The following EXT2 variants were observed in gnomAD, a reference collection of about 807,000 sequenced individuals.
The protein encoded by EXT2 is exostosin glycosyltransferase 2.
Under a neutral mutation model 81.6 loss-of-function variants are expected in EXT2, and 53 were observed. The observed-to-expected ratio is 0.65, with a 90% CI of 0.52 to 0.82. EXT2 has a LOEUF of 0.82. Among genes scored for constraint, EXT2 ranks in the 40% least tolerant of loss-of-function variants. EXT2 has a pLI of 0.00. For synonymous variants in EXT2, 320 were observed against 340.0 expected, an observed-to-expected ratio of 0.94 and a Z score of 0.65; for missense variants, 774 against 910.2, an observed-to-expected ratio of 0.85 and a Z score of 1.93.
rs2135185399 is a variant in EXT2, at chr11:44,197,963, C to T, written c.1440C>T (p.Pro480=). The T allele has an allele frequency of 1.2e-6, 2 of 1,614,100 alleles. No homozygotes were observed. Among genetic ancestry groups the T allele is most frequent in the Non-Finnish European group, 1.7e-6 (2 of 1,179,996 alleles). ...FRVITEVSKV[P]SLSKLLVVWN... ...TCATCACTGAAGTGTCCAAGGTGCC[C>T]AGTCTATCCAAACTACTTGTCGTCT... The change falls in exon 9 of 14, where the codon CCC becomes CCT. Residue 480 remains proline (P), a synonymous_variant. Coordinates refer to ENST00000533608, the MANE Select transcript of EXT2 (RefSeq NM_207122.2).
intron 7 of EXT2, among the ~76,000 whole-genome samples, chr11:44,145,596 GCTTCCTCATGAAAA>G (rs1237314158): frequency 6.6e-6 from 1 of 152,140 alleles, no homozygotes; most frequent in Non-Finnish European, 1.5e-5. Flanking sequence ...TGTACTGGGA[GCTTCCTCATGAAAA>G]CTTGATGAGG....
chr11:44,178,590 A>G (rs1955190648), intron 8 of EXT2, among the ~76,000 whole-genome samples: 1 of 152,200 alleles, frequency 6.6e-6, no homozygotes, highest in Non-Finnish European at 1.5e-5. Context: ...CTAACAAGCA[A>G]TAAATCACTC....
chr11:44,142,454 T>C (rs977682773), intron 7 of EXT2, among the ~76,000 whole-genome samples: 4 of 152,210 alleles, frequency 2.6e-5, no homozygotes, highest in South Asian at 2.1e-4. Flanking sequence ...TTTCAGTGGG[T>C]AGTTACTGCC....
chr11:44,196,662 G>A (rs149847989), intron 8 of EXT2, among the ~76,000 whole-genome samples: 1,599 of 152,278 alleles, frequency 0.011, 23 homozygotes, highest in African/African-American at 0.035. Context: ...TTTTAATGTT[G>A]AAGAGTTGTT....
intron 7 of EXT2, among the ~76,000 whole-genome samples, chr11:44,156,494 T>C (rs973353314): frequency 6.6e-6 from 1 of 152,256 alleles, no homozygotes; most frequent in African/African-American, 2.4e-5. Flanking sequence ...TAAATTCTGC[T>C]GTTGAGAGAT....
intron 8 of EXT2, among the ~76,000 whole-genome samples, chr11:44,176,623 G>T (rs1211115799): frequency 1.3e-5 from 2 of 152,106 alleles, no homozygotes; most frequent in African/African-American, 2.4e-5. Flanking sequence ...AATAGCGATG[G>T]TTTATTTATA....
intron 7 of EXT2, among the ~76,000 whole-genome samples, chr11:44,140,104 G>C (rs1954625562): frequency 6.6e-6 from 1 of 152,194 alleles, no homozygotes. Flanking sequence ...CCCAAGATTA[G>C]AAATGCCATT....
intron 8 of EXT2, among the ~76,000 whole-genome samples, chr11:44,181,450 T>A (rs1302140846): frequency 6.6e-6 from 1 of 152,160 alleles, no homozygotes; most frequent in Non-Finnish European, 1.5e-5. Context: ...CTTTGATTAT[T>A]TTATTTTTCT....
At chr11:44,230,121 C>G (rs1955881751) in intron 10 of EXT2, among the ~76,000 whole-genome samples, 1 of 152,130 alleles carries the variant, frequency 6.6e-6, no homozygotes, top group Non-Finnish European at 1.5e-5. Flanking sequence ...GAAGCCCTCT[C>G]AAAGTAGTTG....
intron 8 of EXT2, among the ~76,000 whole-genome samples, chr11:44,185,144 T>C (rs1590630042): frequency 6.6e-6 from 1 of 152,302 alleles, no homozygotes; most frequent in African/African-American, 2.4e-5. Flanking sequence ...AATGTACAAG[T>C]CTCACTTCTA....
chr11:44,245,037 T>A lies in EXT2; in HGVS notation c.*750T>A. On this transcript the variant is annotated 3_prime_UTR_variant, in exon 14 of 14. Coordinates refer to ENST00000533608, the MANE Select transcript of EXT2 (RefSeq NM_207122.2). ...CTGACAACAGTCTTCTGCCCATGTCTGGGAACACACGCCAGGAGGAATGTC... is the reference window on the plus strand; with the variant it reads ...CTGACAACAGTCTTCTGCCCATGTCAGGGAACACACGCCAGGAGGAATGTC... The A allele has an allele frequency of 4.3e-6, 1 of 232,408 alleles. No individual in the cohort carries two copies. The allele number at this position is 232,408 out of a possible 1,614,324, so 14.4% of individuals were successfully genotyped here.
chr11:44,241,350 G>A (rs1217013736), intron 13 of EXT2, among the ~76,000 whole-genome samples: 1 of 152,214 alleles, frequency 6.6e-6, no homozygotes, highest in Non-Finnish European at 1.5e-5. Flanking sequence ...CTTATTAGCT[G>A]TCTGACCTAA....
chr11:44,117,599 T>A (rs955795187), intron 4 of EXT2, among the ~76,000 whole-genome samples: 8 of 152,248 alleles, frequency 5.3e-5, no homozygotes, highest in African/African-American at 1.9e-4. Flanking sequence ...CTTGGTACCC[T>A]TGTTAAAAAT....
At chr11:44,177,738 T>C (rs1955179077) in intron 8 of EXT2, among the ~76,000 whole-genome samples, 1 of 152,198 alleles carries the variant, frequency 6.6e-6, no homozygotes, top group Non-Finnish European at 1.5e-5. Flanking sequence ...TTTCCAAGTT[T>C]GCTATCATAG....
intron 7 of EXT2, among the ~76,000 whole-genome samples, chr11:44,171,404 T>C (rs1310040004): frequency 6.6e-6 from 1 of 152,246 alleles, no homozygotes; most frequent in Admixed American, 6.5e-5. Flanking sequence ...TTTCACTTGC[T>C]AACATTTTAT....
At chr11:44,237,867 C>T (rs917171043) in intron 13 of EXT2, among the ~76,000 whole-genome samples, 1 of 138,312 alleles carries the variant, frequency 7.2e-6, no homozygotes, top group African/African-American at 2.8e-5. Context: ...AGTTCAAGAC[C>T]AGGCTGACCA....
Position 44,244,375 on chromosome 11 carries a change from T to A in EXT2, c.*88T>A. The A allele has an allele frequency of 6.8e-7, 1 of 1,476,644 alleles. No homozygotes were observed. Among genetic ancestry groups the A allele is most frequent in the Non-Finnish European group, 9.5e-7 (1 of 1,057,662 alleles). The allele number at this position is 1,476,644 out of a possible 1,614,324, so 91.5% of individuals were successfully genotyped here. A position where few individuals can be genotyped will look rare whatever the true frequency, so the allele number is the denominator to read the frequency against. ...AGCACTCTGATGTCAGAGTAGTAGG[T>A]TAAGGGTGGAAGGTTGACCTACTTG... On this transcript the variant is annotated 3_prime_UTR_variant, in exon 14 of 14. Transcript: ENST00000533608.
chr11:44,209,802 C>T (rs7949261), intron 10 of EXT2, among the ~76,000 whole-genome samples: 17,338 of 152,186 alleles, frequency 0.11, 1,148 homozygotes, highest in South Asian at 0.19. Context: ...CTCTGTACCT[C>T]TTTGTGAGCA....
chr11:44,236,238 G>C (rs1468060145), intron 12 of EXT2, 55 bp from the exon 13 acceptor site: 1 of 1,512,086 alleles, frequency 6.6e-7, no homozygotes, highest in Non-Finnish European at 9.2e-7. Context: ...TCACAAGCAT[G>C]ATTTTATTGT....
Sources: gnomAD v4.1 joint callset for allele counts (sites outside exome capture counted in the v4.1 genomes callset) on GRCh38, gnomAD v4.1.1 for gene constraint, MANE v1.5 for transcripts, NCBI Gene and HGNC (gene_info 2026-07-23, HGNC 2026-07-21) for gene names.